Variants in PPP2R2B observed in about 807,000 individuals in gnomAD.
PPP2R2B encodes serine/threonine-protein phosphatase 2A 55 kDa regulatory subunit B beta isoform.
Under a neutral mutation model 46.0 loss-of-function variants are expected in PPP2R2B, and 5 were observed. That is an observed-to-expected ratio of 0.11 (90% CI 0.06 to 0.23). PPP2R2B has a LOEUF of 0.23. PPP2R2B is among the 10% of genes least tolerant of loss of function. The pLI, the probability that PPP2R2B is intolerant of heterozygous loss-of-function variation, is 1.00. For missense variants in PPP2R2B, 367 were observed against 575.0 expected, an observed-to-expected ratio of 0.64 and a Z score of 3.70; for synonymous variants, 215 against 206.7, an observed-to-expected ratio of 1.04 and a Z score of -0.34.
At chr5:146,736,387 G>C (rs1461293799) in intron 2 of PPP2R2B, among the ~76,000 whole-genome samples, 2 of 152,072 alleles carry the variant, frequency 1.3e-5, no homozygotes, top group African/African-American at 4.8e-5. Flanking sequence ...ACATGCATTT[G>C]CTCCTTCAGT....
At chr5:147,017,495 G>A (rs549091777) in intron 1 of PPP2R2B, among the ~76,000 whole-genome samples, 1 of 151,602 alleles carries the variant, frequency 6.6e-6, no homozygotes, top group Admixed American at 6.6e-5. Context: ...ACTAACTCAA[G>A]GATGAAGTTT....
At chr5:146,608,494 G>A (rs1772519359) in intron 7 of PPP2R2B, among the ~76,000 whole-genome samples, 1 of 152,068 alleles carries the variant, frequency 6.6e-6, no homozygotes, top group African/African-American at 2.4e-5. Context: ...AGAGATAAAA[G>A]CAAATAAGAC....
Position 146,926,171 on chromosome 5 carries a change from G to T in PPP2R2B, c.79+129494C>A, listed in dbSNP as rs117871412. On this transcript the variant is annotated intron_variant, in intron 1 of 8. Transcript: ENST00000336640. ...CTATTAACTGTTTTTCTTTTCTTGA[G>T]TATGGGTAACACTTTTTTTTCTTAA... Among the ~76,000 whole-genome samples, 859 of 151,908 alleles carry T rather than the reference G, an allele frequency of 5.7e-3. 29 individuals are homozygous for T. In the East Asian group the frequency reaches 0.067, roughly 12 times the overall value.
Position 146,643,274 on chromosome 5 carries a change from T to G in PPP2R2B, c.626-4859A>C, listed in dbSNP as rs557571628. On this transcript the variant is annotated intron_variant, in intron 6 of 9. Coordinates refer to ENST00000394411, the MANE Select transcript of PPP2R2B (RefSeq NM_181675.4). ...ATTCTATAAGTGTTTCCAAAGAATC[T>G]ATACCCTGCCAGTACTCTTCTGGGT... 2.6e-5 allele frequency among the ~76,000 whole-genome samples: 4 copies of G among 152,252 alleles called. No individual in the cohort carries two copies. In the East Asian group the frequency reaches 7.7e-4, roughly 29 times the overall value.
At chr5:146,990,189 TCAAAATAC>T (rs1412159572) in intron 1 of PPP2R2B, among the ~76,000 whole-genome samples, 5 of 151,670 alleles carry the variant, frequency 3.3e-5, no homozygotes, top group African/African-American at 7.2e-5. Flanking sequence ...GCAATTTCTG[TCAAAATAC>T]CAATGATATT....
chr5:146,773,719 A>T (rs182145672), intron 2 of PPP2R2B, among the ~76,000 whole-genome samples: 280 of 152,290 alleles, frequency 1.8e-3, no homozygotes, highest in Non-Finnish European at 3.5e-3. Flanking sequence ...GCATGTTTAA[A>T]TTAAGGCACA....
intron 5 of PPP2R2B, among the ~76,000 whole-genome samples, chr5:146,689,442 T>A (rs1383967918): frequency 6.6e-6 from 1 of 152,202 alleles, no homozygotes; most frequent in Non-Finnish European, 1.5e-5. Flanking sequence ...TATAATTGCT[T>A]ACTATTCAAC....
At chr5:146,855,210 C>T (rs1760584937) in intron 2 of PPP2R2B, among the ~76,000 whole-genome samples, 2 of 152,100 alleles carry the variant, frequency 1.3e-5, no homozygotes, top group African/African-American at 4.8e-5. Flanking sequence ...CAGATGTAAG[C>T]CTTTTATTCA....
intron 2 of PPP2R2B, among the ~76,000 whole-genome samples, chr5:146,735,838 A>G (rs1038205722): frequency 1.3e-5 from 2 of 152,164 alleles, no homozygotes; most frequent in Non-Finnish European, 2.9e-5. Context: ...AGAGTCATCT[A>G]TTGCTTGATT....
intron 7 of PPP2R2B, among the ~76,000 whole-genome samples, chr5:146,617,542 A>G (rs763014843): frequency 6.6e-6 from 1 of 152,178 alleles, no homozygotes; most frequent in Non-Finnish European, 1.5e-5. Flanking sequence ...CATTTAAACA[A>G]CAGGTATTGA....
chr5:146,878,966 C>T, upstream of PPP2R2B: 1 of 1,097,768 alleles, frequency 9.1e-7, no homozygotes, highest in South Asian at 2.0e-5. This position sits in a 1 kb window ranked among gnomAD's most constrained non-coding sequence, Gnocchi z 4.5. Context: ...ACGCGCTCTT[C>T]CAACCTCCTC....
intron 1 of PPP2R2B, among the ~76,000 whole-genome samples, chr5:146,950,770 C>A (rs952048631): frequency 6.6e-6 from 1 of 151,900 alleles, no homozygotes; most frequent in African/African-American, 2.4e-5. Flanking sequence ...AAGAGGGTGA[C>A]TAAAGTCATG....
At chr5:146,597,121 T>C (rs964233059) in intron 8 of PPP2R2B, among the ~76,000 whole-genome samples, 2 of 152,222 alleles carry the variant, frequency 1.3e-5, no homozygotes, top group Non-Finnish European at 2.9e-5. Flanking sequence ...CTGCTACCTG[T>C]CCTTCTTTCA....
At chr5:147,049,144 G>A (rs1756679670) in intron 1 of PPP2R2B, among the ~76,000 whole-genome samples, 1 of 151,352 alleles carries the variant, frequency 6.6e-6, no homozygotes, top group Non-Finnish European at 1.5e-5. Context: ...ACATAGGAAG[G>A]CCAGGAAAGG....
At chr5:146,747,229 C>T (rs764234866) in intron 2 of PPP2R2B, among the ~76,000 whole-genome samples, 21 of 152,262 alleles carry the variant, frequency 1.4e-4, no homozygotes, top group Non-Finnish European at 3.1e-4. Context: ...CAATGGTAGG[C>T]AGTTTAGCTG....
At chr5:147,065,256 T>C (rs1757385202) in intron 2 of PPP2R2B, among the ~76,000 whole-genome samples, 1 of 152,120 alleles carries the variant, frequency 6.6e-6, no homozygotes, top group Non-Finnish European at 1.5e-5. Flanking sequence ...AAAGGCTTAC[T>C]TGGGAAAATG....
At chr5:146,607,026 T>A (rs1248479700) in intron 7 of PPP2R2B, 1 of 152,178 alleles carries the variant, frequency 6.6e-6, no homozygotes. Context: ...TTCTCCATAA[T>A]GGGGACACAA....
chr5:147,069,099 A>T (rs1240420976), intron 2 of PPP2R2B, among the ~76,000 whole-genome samples: 1 of 152,198 alleles, frequency 6.6e-6, no homozygotes, highest in African/African-American at 2.4e-5. Context: ...AAGGCTGCCA[A>T]ATTTAAGTGA....
chr5:147,076,545 TTAAG>T (rs1435487173), intron 2 of PPP2R2B, among the ~76,000 whole-genome samples: 12 of 152,306 alleles, frequency 7.9e-5, no homozygotes, highest in East Asian at 1.9e-4. Flanking sequence ...AATATATTGT[TTAAG>T]TAATCAGAAA....
Sources: gnomAD v4.1 joint callset for allele counts (sites outside exome capture counted in the v4.1 genomes callset) on GRCh38, gnomAD v4.1.1 for gene constraint, Gnocchi (gnomAD v3.1) non-coding constraint, MANE v1.5 for transcripts, NCBI Gene and HGNC (gene_info 2026-07-23, HGNC 2026-07-21) for gene names.